CAMK1D: variants seen among roughly 807,000 people sequenced by gnomAD.
CAMK1D encodes the protein calcium/calmodulin dependent protein kinase ID, also known as calcium/calmodulin-dependent protein kinase type 1D.
Under a neutral mutation model 47.7 loss-of-function variants are expected in CAMK1D, and 9 were observed. The observed-to-expected ratio is 0.19, with a 90% CI of 0.11 to 0.33. CAMK1D has a LOEUF of 0.33. Among genes scored for constraint, CAMK1D ranks in the 10% least tolerant of loss-of-function variants. The probability of loss-of-function intolerance (pLI) is 1.00; values close to 1 mark genes in which losing one functional copy is unlikely to be tolerated. For missense variants in CAMK1D, 291 were observed against 488.7 expected (o/e 0.60, Z 3.81); for synonymous variants, 184 against 184.9 (o/e 0.99, Z 0.04).
rs1837291369 is a variant in CAMK1D at position 12,349,743 on chromosome 10, C to G, written c.-76C>G. 1 of 491,190 alleles carries G rather than the reference C, an allele frequency of 2.0e-6. No individual in the cohort carries two copies. The highest frequency in any genetic ancestry group is 2.1e-5 in the African/African-American group (1 of 46,914). 30.4% of individuals were successfully genotyped at this position (491,190 alleles called of 1,614,324 possible). On this transcript the variant is annotated 5_prime_UTR_variant, in exon 1 of 11. Transcript: ENST00000619168. ...GAGCCGCCCGGCATCCCCGCCGCCT[C>G]TGCGCCCGCGCCGCGCCCCCGGCGC...
chr10:12,484,820 G>C (rs1371445093), intron 1 of CAMK1D, among the ~76,000 whole-genome samples: 1 of 135,866 alleles, frequency 7.4e-6, no homozygotes, highest in Non-Finnish European at 1.6e-5. Context: ...TGGGCACAGT[G>C]ACTCTGGGGG....
chr10:12,425,796 G>A (rs1360073839), intron 1 of CAMK1D, among the ~76,000 whole-genome samples: 2 of 152,226 alleles, frequency 1.3e-5, no homozygotes, highest in Non-Finnish European at 2.9e-5. Context: ...ATATATGGGC[G>A]AGACAGAAGT....
chr10:12,415,938 G>A (rs1049152736), intron 1 of CAMK1D: 2 of 151,750 alleles, frequency 1.3e-5, no homozygotes, highest in Non-Finnish European at 2.9e-5. Context: ...GAGCAGTTTG[G>A]CATATGTTCT....
rs545487267 is a variant in CAMK1D at position 12,790,868 on chromosome 10, C to T, written c.566-290C>T. ...AAAATTAGCCAGGCATGGTGGCATG[C>T]ACCTGTGGTCCCAATTACTTAGGAG... On this transcript the variant is annotated intron_variant, in intron 5 of 10. Transcript: ENST00000619168. Among the ~76,000 whole-genome samples, 4 of 152,084 alleles carry T rather than the reference C, an allele frequency of 2.6e-5. No individual in the cohort carries two copies. The South Asian group carries it at 8.3e-4, about 32-fold the overall frequency.
intron 1 of CAMK1D, among the ~76,000 whole-genome samples, chr10:12,462,312 C>T (rs527736151): frequency 1.3e-5 from 2 of 151,580 alleles, no homozygotes; most frequent in South Asian, 2.1e-4. Flanking sequence ...ACTACGGGCA[C>T]GCGCCACCGT....
At chr10:12,523,342 T>C (rs1588588499) in intron 1 of CAMK1D, among the ~76,000 whole-genome samples, 1 of 151,418 alleles carries the variant, frequency 6.6e-6, no homozygotes, top group East Asian at 1.9e-4. Flanking sequence ...CCAGACAGGG[T>C]GGTGGCCGGG....
At chr10:12,778,517 G>A (rs1384547266) in intron 5 of CAMK1D, among the ~76,000 whole-genome samples, 1 of 152,218 alleles carries the variant, frequency 6.6e-6, no homozygotes, top group African/African-American at 2.4e-5. Flanking sequence ...AGGTTCTGCA[G>A]TAGATTGTGG....
intron 1 of CAMK1D, among the ~76,000 whole-genome samples, chr10:12,357,938 A>G (rs1351714788): frequency 2.0e-5 from 3 of 152,134 alleles, no homozygotes; most frequent in Non-Finnish European, 2.9e-5. Flanking sequence ...GTTAGATCAA[A>G]GGTCACCTCC....
rs1195211531 is a variant in CAMK1D, at chr10:12,825,538, A to G, written c.922-35A>G. The G allele has an allele frequency of 7.5e-6, 12 of 1,598,274 alleles. No homozygotes were observed. In the Admixed American group the frequency reaches 2.1e-4, roughly 28 times the overall value. On this transcript the variant is annotated intron_variant, in intron 9 of 10. Coordinates refer to ENST00000619168, the MANE Select transcript of CAMK1D (RefSeq NM_153498.4). ...TTAGAGTCTTTTCCGATTAGCTGAA[A>G]TATTTGTCTGCTTTTTTCCTTTCTG...
intron 1 of CAMK1D, among the ~76,000 whole-genome samples, chr10:12,410,489 C>G (rs553696995): frequency 2.0e-5 from 3 of 152,132 alleles, no homozygotes; most frequent in Non-Finnish European, 4.4e-5. Flanking sequence ...AGAGTCTGCT[C>G]AAGACAGACA....
intron 1 of CAMK1D, among the ~76,000 whole-genome samples, chr10:12,496,080 C>T (rs983946564): frequency 1.3e-5 from 2 of 152,138 alleles, no homozygotes; most frequent in Admixed American, 6.6e-5. Flanking sequence ...CCTCCTGCCT[C>T]GGCCTCCCAA....
intron 5 of CAMK1D, among the ~76,000 whole-genome samples, chr10:12,772,084 G>T (rs562352502): frequency 9.9e-5 from 15 of 151,944 alleles, no homozygotes; most frequent in African/African-American, 3.6e-4. Flanking sequence ...CAACAACATA[G>T]TAGTCGATCA....
At chr10:12,779,373 C>T (rs1425140281) in intron 5 of CAMK1D, among the ~76,000 whole-genome samples, 6 of 152,196 alleles carry the variant, frequency 3.9e-5, no homozygotes, top group African/African-American at 1.4e-4. Flanking sequence ...GTATCAATCA[C>T]GTAATTGACA....
At chr10:12,741,759 AG>A (rs1564529182) in intron 3 of CAMK1D, among the ~76,000 whole-genome samples, 1 of 152,164 alleles carries the variant, frequency 6.6e-6, no homozygotes, top group Non-Finnish European at 1.5e-5. Flanking sequence ...GGAGAGGGCC[AG>A]GGAAGGGAAT....
At chr10:12,402,840 C>A (rs896562738) in intron 1 of CAMK1D, among the ~76,000 whole-genome samples, 1 of 151,852 alleles carries the variant, frequency 6.6e-6, no homozygotes, top group Non-Finnish European at 1.5e-5. Context: ...TGATTGGTGC[C>A]TTCTACTGAG....
At chr10:12,717,366 A>G (rs1182772467) in intron 3 of CAMK1D, among the ~76,000 whole-genome samples, 1 of 152,164 alleles carries the variant, frequency 6.6e-6, no homozygotes, top group Admixed American at 6.5e-5. Context: ...AATCACCACC[A>G]TTCCCAGTAA....
intron 1 of CAMK1D, among the ~76,000 whole-genome samples, chr10:12,418,044 A>G (rs1839914324): frequency 6.6e-6 from 1 of 152,170 alleles, no homozygotes; most frequent in Admixed American, 6.5e-5. Flanking sequence ...TCAAGGCCTC[A>G]AGAGGCCCGC....
chr10:12,610,365 C>A (rs530328930), intron 2 of CAMK1D, among the ~76,000 whole-genome samples: 1 of 152,158 alleles, frequency 6.6e-6, no homozygotes, highest in East Asian at 1.9e-4. Flanking sequence ...TGCATCTCAA[C>A]GCCGAGATTT....
chr10:12,628,463 A>G (rs542835458), intron 2 of CAMK1D, among the ~76,000 whole-genome samples: 14 of 152,166 alleles, frequency 9.2e-5, no homozygotes, highest in Non-Finnish European at 1.8e-4. Context: ...TTCGGTTTTG[A>G]GAAAAATTGA....
Sources: allele counts gnomAD v4.1 joint callset (sites outside exome capture counted in the v4.1 genomes callset), GRCh38; gene constraint gnomAD v4.1.1; transcripts MANE v1.5; gene names NCBI Gene and HGNC (gene_info 2026-07-23, HGNC 2026-07-21).